PTTG1IP: variants seen among roughly 807,000 people sequenced by gnomAD.
PTTG1IP encodes pituitary tumor-transforming gene 1 protein-interacting protein.
A neutral mutation model predicts 24.4 loss-of-function variants in PTTG1IP; 16 were observed. The observed-to-expected ratio is 0.66, with a 90% CI of 0.44 to 1.00. The LOEUF (loss-of-function observed/expected upper bound fraction) is 1.00. PTTG1IP is among the 50% of genes least tolerant of loss of function. The pLI, the probability that PTTG1IP is intolerant of heterozygous loss-of-function variation, is 0.00. For synonymous variants in PTTG1IP, 89 were observed against 96.8 expected, an observed-to-expected ratio of 0.92 and a Z score of 0.47; for missense variants, 241 against 245.8, an observed-to-expected ratio of 0.98 and a Z score of 0.13.
chr21:44,850,691 CAGCGAG>C lies in PTTG1IP; in HGVS notation c.*884_*889del, dbSNP rs1243158753. 1.1e-4 allele frequency: 17 copies of C among 152,318 alleles called. No homozygotes were observed. The highest frequency in any genetic ancestry group is 4.1e-4 in the African/African-American group (17 of 41,470). The allele number at this position is 152,318 out of a possible 1,614,324, so 9.4% of individuals were successfully genotyped here. A position where few individuals can be genotyped will look rare whatever the true frequency, so the allele number is the denominator to read the frequency against. On this transcript the variant is annotated 3_prime_UTR_variant, in exon 6 of 6. Transcript: ENST00000330938. ...GCCACCCCCCAGACAGCCCAACAGG[CAGCGAG>C]AGGCCTGCAGGCACTGAGGATGCCA...
rs534489110 is a variant in PTTG1IP, at chr21:44,864,276, T to C, written c.168+1119A>G. 2.5e-3 allele frequency among the ~76,000 whole-genome samples: 378 copies of C among 152,374 alleles called. 2 individuals carry two copies. Among genetic ancestry groups the C allele is most frequent in the African/African-American group, 8.6e-3 (356 of 41,586 alleles). The stretch of plus-strand genomic sequence containing the variant: ...TGATTTCATAGCGCTGCGAGGAGAC[T>C]TGGGTGCTGCCGAACCAAGAGCTGC... On this transcript the variant is annotated intron_variant, in intron 2 of 5. Transcript: ENST00000330938.
chr21:44,855,792 GTGC>G (rs1259218013), intron 4 of PTTG1IP, among the ~76,000 whole-genome samples: 1 of 152,172 alleles, frequency 6.6e-6, no homozygotes, highest in Non-Finnish European at 1.5e-5. Context: ...ACTCAGGAGA[GTGC>G]TGTGTCACCA....
chr21:44,873,621 G>A lies in PTTG1IP; in HGVS notation c.-5C>T. 1.4e-6 allele frequency: 2 copies of A among 1,422,960 alleles called. No homozygotes were observed. Among genetic ancestry groups the A allele is most frequent in the South Asian group, 1.4e-5 (1 of 71,290 alleles). 88.1% of individuals were successfully genotyped at this position (1,422,960 alleles called of 1,614,324 possible). A position where few individuals can be genotyped will look rare whatever the true frequency, so the allele number is the denominator to read the frequency against. ...GCGGGCCACTCCGGGCGCCATGGTC[G>A]GCCGGTCGCTCTATCAGTCAGTGGA... On this transcript the variant is annotated 5_prime_UTR_variant, in exon 1 of 6. Transcript: ENST00000330938.
intron 1 of PTTG1IP, among the ~76,000 whole-genome samples, chr21:44,866,993 G>A (rs62221471): frequency 0.19 from 28,911 of 152,108 alleles, 3,423 homozygotes; most frequent in South Asian, 0.3. Flanking sequence ...ATCCAGGAGA[G>A]AAGGCGCCTG....
rs2083399838 is a variant in PTTG1IP at position 44,850,031 on chromosome 21, T to C, written c.*1550A>G. 1 of 152,192 alleles carries C rather than the reference T, an allele frequency of 6.6e-6. No individual in the cohort carries two copies. The highest frequency in any genetic ancestry group is 6.5e-5 in the Admixed American group (1 of 15,282). The allele number at this position is 152,192 out of a possible 1,614,324, so 9.4% of individuals were successfully genotyped here. A position where few individuals can be genotyped will look rare whatever the true frequency, so the allele number is the denominator to read the frequency against. On this transcript the variant is annotated 3_prime_UTR_variant, in exon 6 of 6. Coordinates refer to ENST00000330938, the MANE Select transcript of PTTG1IP (RefSeq NM_004339.4). ...AACTGGGTACAGGTTCTATTCTTTG[T>C]GGAAATTTCAGCCTAGGAATGTTAT... is the stretch of plus-strand genomic sequence containing the variant.
At chr21:44,864,906 C>G (rs758450991) in intron 2 of PTTG1IP, among the ~76,000 whole-genome samples, 13 of 152,214 alleles carry the variant, frequency 8.5e-5, no homozygotes, top group African/African-American at 3.1e-4. Context: ...AAATCCAAAC[C>G]TGAGCCCCAG....
intron 2 of PTTG1IP, among the ~76,000 whole-genome samples, chr21:44,863,556 G>A (rs76470607): frequency 0.031 from 4,796 of 152,266 alleles, 261 homozygotes; most frequent in African/African-American, 0.11. Flanking sequence ...CCTCATCCAC[G>A]AGATGGCTGT....
chr21:44,858,349 T>C (rs1184627672), intron 3 of PTTG1IP, among the ~76,000 whole-genome samples: 1 of 152,190 alleles, frequency 6.6e-6, no homozygotes, highest in Non-Finnish European at 1.5e-5. Flanking sequence ...CGCCGCGGCA[T>C]CTGGTGAAAT....
intron 3 of PTTG1IP, among the ~76,000 whole-genome samples, chr21:44,858,928 A>G (rs977927327): frequency 1.3e-5 from 2 of 152,182 alleles, no homozygotes; most frequent in Non-Finnish European, 2.9e-5. Flanking sequence ...GGGAGGCCAA[A>G]CTGGTACAGC....
intron 1 of PTTG1IP, among the ~76,000 whole-genome samples, chr21:44,871,679 A>C (rs563708212): frequency 1.4e-3 from 206 of 152,260 alleles, no homozygotes; most frequent in African/African-American, 4.4e-3. Flanking sequence ...AAAATCTCAC[A>C]CCAAGCAAGT....
At chr21:44,864,784 T>C (rs994564178) in intron 2 of PTTG1IP, among the ~76,000 whole-genome samples, 7 of 152,192 alleles carry the variant, frequency 4.6e-5, no homozygotes, top group Non-Finnish European at 1.0e-4. Flanking sequence ...TCTGCATCAG[T>C]CTCCATCGGG....
At position 44,859,486 on chromosome 21, in the gene PTTG1IP, CAT is replaced by C. The variant is rs774889098; in HGVS notation, c.277+1675_277+1676del. On this transcript the variant is annotated intron_variant, in intron 3 of 5. Coordinates refer to ENST00000330938, the MANE Select transcript of PTTG1IP (RefSeq NM_004339.4). ...ATAAACTGCGGTCCATGCAGGCACA[CAT>C]GTGTGCATTATGTAGGCTATAAAGT... is the stretch of plus-strand genomic sequence containing the variant. Among the ~76,000 whole-genome samples the C allele has an allele frequency of 3.9e-5, 6 of 152,240 alleles. No homozygotes were observed. In the East Asian group the frequency reaches 7.7e-4, roughly 20 times the overall value.
intron 3 of PTTG1IP, 80 bp from the exon 4 acceptor site, chr21:44,856,444 G>C: frequency 6.9e-7 from 1 of 1,455,596 alleles, no homozygotes; most frequent in Non-Finnish European, 9.3e-7. Flanking sequence ...TCGCCCCTGG[G>C]GAACAACCTC....
intron 2 of PTTG1IP, among the ~76,000 whole-genome samples, chr21:44,863,841 C>A (rs921955258): frequency 6.6e-6 from 1 of 152,240 alleles, no homozygotes; most frequent in African/African-American, 2.4e-5. Context: ...CCACTTAAGT[C>A]CCACAAACTG....
intron 2 of PTTG1IP, chr21:44,861,877 T>G: frequency 1.4e-6 from 1 of 717,004 alleles, no homozygotes; most frequent in Non-Finnish European, 2.6e-6. Flanking sequence ...TGGGTGAGCA[T>G]GGTCACCATC....
chr21:44,868,013 T>TTG (rs2146471621), intron 1 of PTTG1IP, among the ~76,000 whole-genome samples: 1 of 152,332 alleles, frequency 6.6e-6, no homozygotes, highest in Non-Finnish European at 1.5e-5. Context: ...AAGTAGTACT[T>TTG]TTCTCAGAGT....
intron 5 of PTTG1IP, among the ~76,000 whole-genome samples, chr21:44,854,014 T>C (rs972260104): frequency 1.2e-4 from 19 of 152,124 alleles, no homozygotes; most frequent in African/African-American, 4.6e-4. Flanking sequence ...TCCCGGCCAG[T>C]GGGCAGAGCC....
At chr21:44,870,646 CAT>C (rs2083578105) in intron 1 of PTTG1IP, among the ~76,000 whole-genome samples, 1 of 150,094 alleles carries the variant, frequency 6.7e-6, no homozygotes, top group Non-Finnish European at 1.5e-5. Flanking sequence ...ACAGAAAAAA[CAT>C]GTGCTAGAAA....
At chr21:44,873,390 C>G in intron 1 of PTTG1IP, 112 bp downstream of exon 1, 1 of 1,067,530 alleles carries the variant, frequency 9.4e-7, no homozygotes, top group Non-Finnish European at 1.2e-6. Context: ...GACCGTGGGC[C>G]CAGGCCGCCC....
Sources: allele counts gnomAD v4.1 joint callset (sites outside exome capture counted in the v4.1 genomes callset), GRCh38; gene constraint gnomAD v4.1.1; transcripts MANE v1.5; gene names NCBI Gene and HGNC (gene_info 2026-07-23, HGNC 2026-07-21).